DDX20: variants seen among roughly 807,000 people sequenced by gnomAD.
The protein encoded by DDX20 is DEAD-box helicase 20.
DDX20 carries 61 observed loss-of-function variants against 76.4 expected under a neutral mutation model. The ratio of observed to expected loss-of-function variants is 0.80; its 90% CI spans 0.65 to 0.99. The LOEUF is 0.99. Among genes scored for constraint, DDX20 ranks in the 50% least tolerant of loss-of-function variants. DDX20 has a pLI of 0.00. For missense variants in DDX20, 976 were observed against 996.8 expected (o/e 0.98, Z 0.28); for synonymous variants, 357 against 357.4 (o/e 1.00, Z 0.01).
chr1:111,762,226 T>TA (rs760106076), intron 7 of DDX20, 29 bp from the exon 8 acceptor site: 45 of 1,591,754 alleles, frequency 2.8e-5, no homozygotes, highest in Admixed American at 2.3e-4. Flanking sequence ...TAGTTGTTTT[T>TA]ATGTGACTTT....
At chr1:111,762,428 C>A in intron 8 of DDX20, 91 bp downstream of exon 8, 1 of 1,059,658 alleles carries the variant, frequency 9.4e-7, no homozygotes, top group Non-Finnish European at 1.4e-6. Flanking sequence ...TTTATGTAGG[C>A]GTATCTAACA....
chr1:111,759,363 C>T (rs1216431601), intron 2 of DDX20, 37 bp from the exon 3 acceptor site: 4 of 1,521,684 alleles, frequency 2.6e-6, no homozygotes, highest in Non-Finnish European at 3.6e-6. Flanking sequence ...GTATTTATTC[C>T]TCTGACTCAA....
At chr1:111,761,922 A>T (rs1400954361) in intron 7 of DDX20, 1 of 185,576 alleles carries the variant, frequency 5.4e-6, no homozygotes, top group Non-Finnish European at 1.1e-5. Flanking sequence ...CTTTAACACC[A>T]AATTATAAAC....
chr1:111,766,203 A>C lies in DDX20; in HGVS notation c.1779A>C (p.Glu593Asp). The C allele has an allele frequency of 6.2e-7, 1 of 1,614,186 alleles. No homozygotes were observed. The highest frequency in any genetic ancestry group is 2.2e-5 in the East Asian group (1 of 44,892). ...AGCCATACACGTTGACTTTTGCTGAATTGGTAGAGGATTATGAACATTATA... is the reference window on the plus strand; with the variant it reads ...AGCCATACACGTTGACTTTTGCTGACTTGGTAGAGGATTATGAACATTATA... ...IHQPYTLTFA[E>D]LVEDYEHYIK... The change falls in exon 11 of 11, where the codon GAA becomes GAC. Residue 593 changes from glutamate (E) to aspartate (D), a missense_variant. By Grantham distance (45) the Glu-to-Asp change is conservative. Coordinates refer to ENST00000369702, the MANE Select transcript of DDX20 (RefSeq NM_007204.5).
chr1:111,760,987 G>T lies in DDX20; in HGVS notation c.824G>T (p.Gly275Val). 6.2e-7 allele frequency: 1 copy of T among 1,612,156 alleles called. No individual in the cohort carries two copies. The highest frequency in any genetic ancestry group is 8.5e-7 in the Non-Finnish European group (1 of 1,179,474). Residue 275 changes from glycine (G) to valine (V), a missense_variant and splice_region_variant, in exon 6 of 11, where the codon GGT becomes GTT. By Grantham distance (109) the Gly-to-Val change is moderately radical (BLOSUM62 -3). Transcript: ENST00000369702. Reference sequence around the variant, plus strand: ...TTTAACTGATAGCTCTTCTTTGTAGGTTTGAAGCAGTATTACAAAGTTGTC... The same window carrying T: ...TTTAACTGATAGCTCTTCTTTGTAGTTTTGAAGCAGTATTACAAAGTTGTC... ...RLNSSDPSLI[G>V]LKQYYKVVNS... is the part of the protein sequence containing the mutation.
At position 111,756,206 on chromosome 1, in the gene DDX20, GT is replaced by G; in HGVS notation, c.284del (p.Leu95TrpfsTer8). On this transcript the variant is annotated frameshift_variant, in exon 1 of 11. Transcript: ENST00000369702. LOFTEE classifies it high-confidence loss of function. Reference sequence around the variant, plus strand: ...CGCCGGTGCAGCTCAAGGCCATCCCGTTGGGGCGCTGCGGGCTCGGTGAGAG... The same window carrying G: ...CGCCGGTGCAGCTCAAGGCCATCCCGTGGGGCGCTGCGGGCTCGGTGAGAG... The part of the protein sequence containing the change: ...PSPVQLKAIP[L>X]GRCGLDLIVQ... The G allele has an allele frequency of 3.4e-6, 5 of 1,464,060 alleles. No individual in the cohort carries two copies. Among genetic ancestry groups the G allele is most frequent in the Non-Finnish European group, 4.5e-6 (5 of 1,109,686 alleles). The allele number at this position is 1,464,060 out of a possible 1,614,324, so 90.7% of individuals were successfully genotyped here.
chr1:111,764,806 G>A (rs554291908), intron 10 of DDX20, among the ~76,000 whole-genome samples: 1 of 152,190 alleles, frequency 6.6e-6, no homozygotes, highest in Non-Finnish European at 1.5e-5. Context: ...CTGGGAACTT[G>A]TGTAACAACA....
chr1:111,761,108 T>C lies in DDX20; in HGVS notation c.945T>C (p.Phe315=), dbSNP rs149971431. Residue 315 remains phenylalanine, a synonymous_variant, in exon 6 of 11, where the codon TTT becomes TTC. Transcript: ENST00000369702. ...TTCCATTTAATCAAGCTTTAGTCTT[T>C]TCTAATTTGCACAGCAGGTAATGTA... ...SRIPFNQALV[F]SNLHSRAQHL... is the part of the protein sequence containing the mutation. 6 of 1,613,472 alleles carry C rather than the reference T, an allele frequency of 3.7e-6. No homozygotes were observed. The African/African-American group carries it at 4.0e-5, about 11-fold the overall frequency.
intron 2 of DDX20, among the ~76,000 whole-genome samples, chr1:111,757,979 C>T (rs563519967): frequency 6.6e-6 from 1 of 152,140 alleles, no homozygotes; most frequent in Non-Finnish European, 1.5e-5. Flanking sequence ...CTCAGCCTCC[C>T]GAGTAGCTGG....
chr1:111,763,220 A>G (rs138739382), intron 10 of DDX20, among the ~76,000 whole-genome samples: 228 of 152,318 alleles, frequency 1.5e-3, no homozygotes, highest in African/African-American at 5.3e-3. Flanking sequence ...GGGTAAGTAA[A>G]GGTGTTACAG....
Position 111,761,099 on chromosome 1 carries a change from T to G in DDX20, c.936T>G (p.Ala312=). ...ELFSRIPFNQ[A]LVFSNLHSRA... ...TCAGCAGAATTCCATTTAATCAAGC[T>G]TTAGTCTTTTCTAATTTGCACAGCA... The change falls in exon 6 of 11, where the codon GCT becomes GCG. Residue 312 remains alanine (A), a synonymous_variant. Transcript: ENST00000369702. 6.2e-7 allele frequency: 1 copy of G among 1,613,560 alleles called. No homozygotes were observed. Among genetic ancestry groups the G allele is most frequent in the Non-Finnish European group, 8.5e-7 (1 of 1,179,806 alleles).
rs1315646363 is a variant in DDX20, at chr1:111,765,975, T to G, written c.1551T>G (p.Pro517=). 1.9e-6 allele frequency: 3 copies of G among 1,613,632 alleles called. No individual in the cohort carries two copies. The highest frequency in any genetic ancestry group is 1.7e-6 in the Non-Finnish European group (2 of 1,179,944). ...KSKNNTKQKL[P]VKSHSECGII... ...AAAATAATACCAAACAAAAGCTTCCTGTGAAAAGCCACTCAGAATGTGGAA... is the reference window on the plus strand; with the variant it reads ...AAAATAATACCAAACAAAAGCTTCCGGTGAAAAGCCACTCAGAATGTGGAA... Residue 517 remains proline (P), a synonymous_variant, in exon 11 of 11, where the codon CCT becomes CCG. Coordinates refer to ENST00000369702, the MANE Select transcript of DDX20 (RefSeq NM_007204.5).
At chr1:111,763,614 C>G (rs912229517) in intron 10 of DDX20, among the ~76,000 whole-genome samples, 4 of 151,700 alleles carry the variant, frequency 2.6e-5, no homozygotes, top group African/African-American at 9.7e-5. Flanking sequence ...TATGTTAGCT[C>G]TATTTTATTA....
chr1:111,765,629 TTG>T, intron 10 of DDX20, 106 bp from the exon 11 acceptor site: 1 of 936,500 alleles, frequency 1.1e-6, no homozygotes, highest in South Asian at 1.8e-5. Context: ...TATTTGCATA[TTG>T]TTTCTTAAAT....
Position 111,755,944 on chromosome 1 carries a change from C to T in DDX20, c.20C>T (p.Ala7Val). Residue 7 changes from alanine to valine, a missense_variant, in exon 1 of 11, where the codon GCC becomes GTC. Ala to Val is a moderately conservative substitution (Grantham distance 64). Around this residue, in one of 3 missense-constraint regions of DDX20, gnomAD observed 343 missense variants for 286.4 expected, o/e 1.20. Transcript: ENST00000369702. MAAAFE[A>V]SGALAAVATA... ...GCTACCATGGCGGCGGCATTTGAAG[C>T]CTCGGGAGCCTTAGCAGCAGTGGCG... The T allele has an allele frequency of 6.3e-7, 1 of 1,580,380 alleles. No homozygotes were observed. The highest frequency in any genetic ancestry group is 8.6e-7 in the Non-Finnish European group (1 of 1,158,840).
chr1:111,759,905 C>T (rs1663634543), intron 3 of DDX20, among the ~76,000 whole-genome samples: 2 of 136,464 alleles, frequency 1.5e-5, no homozygotes, highest in African/African-American at 2.8e-5. Context: ...ACCCGGGAGG[C>T]GGAGCTTGCA....
chr1:111,756,304 G>A (rs1207382107), intron 1 of DDX20, 79 bp downstream of exon 1: 10 of 1,353,678 alleles, frequency 7.4e-6, no homozygotes, highest in Non-Finnish European at 9.5e-6. Flanking sequence ...CCAGGCCCGC[G>A]CCGCAGCTCA....
At chr1:111,759,001 A>G (rs151055971) in intron 2 of DDX20, among the ~76,000 whole-genome samples, 1 of 152,230 alleles carries the variant, frequency 6.6e-6, no homozygotes, top group Non-Finnish European at 1.5e-5. Flanking sequence ...CTGTGGATCA[A>G]AATACTCAGG....
chr1:111,759,973 CAAAAA>C (rs754870294), intron 3 of DDX20, among the ~76,000 whole-genome samples: 195 of 57,608 alleles, frequency 3.4e-3, no homozygotes, highest in South Asian at 0.011. Context: ...GACTCCATCT[CAAAAA>C]AAAAAAAAAA....
Sources: allele counts gnomAD v4.1 joint callset (sites outside exome capture counted in the v4.1 genomes callset), GRCh38; gene constraint gnomAD v4.1.1; regional missense constraint gnomAD v4.1.1; transcripts MANE v1.5; gene names NCBI Gene and HGNC (gene_info 2026-07-23, HGNC 2026-07-21).